GNL3L: variants seen among roughly 807,000 people sequenced by gnomAD.
GNL3L encodes guanine nucleotide-binding protein-like 3-like protein.
GNL3L carries 4 observed loss-of-function variants against 42.9 expected under a neutral mutation model. The ratio of observed to expected loss-of-function variants is 0.09; its 90% confidence interval spans 0.05 to 0.21. GNL3L has a LOEUF of 0.21. Ranked by LOEUF, GNL3L falls within the 10% of genes least tolerant of loss-of-function variation. GNL3L has a pLI of 1.00. For synonymous variants in GNL3L, 159 were observed against 176.3 expected (o/e 0.90, Z 0.78); for missense variants, 412 against 481.7 (o/e 0.86, Z 1.36).
the GNL3L span, among the ~76,000 whole-genome samples, chrX:54,634,789 T>C: frequency 1.5e-5 from 1 of 68,292 alleles, no homozygotes; most frequent in African/African-American, 1.1e-4. Flanking sequence ...GCCCGGCTCT[T>C]TTTTTTTTTT....
intron 16 of GNL3L, among the ~76,000 whole-genome samples, chrX:54,583,174 C>T (rs1470763404): frequency 1.8e-5 from 2 of 110,561 alleles, no homozygotes; most frequent in East Asian, 5.7e-4. Context: ...TGATGAGGTC[C>T]TATTTATTTA....
chrX:54,568,997 C>T (rs1308468320), downstream of GNL3L, among the ~76,000 whole-genome samples: 1 of 112,511 alleles, frequency 8.9e-6, no homozygotes, highest in African/African-American at 3.2e-5. Context: ...CTCCACATCT[C>T]AATATGTTTA....
chrX:54,532,560 G>A lies in GNL3L; in HGVS notation c.-7G>A, dbSNP rs762796179. On this transcript the variant is annotated 5_prime_UTR_variant, in exon 2 of 16. Transcript: ENST00000360845. ...ATTTGAACCTATCTGCTTTCAAGCT[G>A]GTCATCATGATGAAACTTAGACACA... 6.1e-5 allele frequency: 72 copies of A among 1,187,810 alleles called. No homozygotes were observed. Among genetic ancestry groups the A allele is most frequent in the Non-Finnish European group, 7.4e-5 (65 of 875,189 alleles).
intron 16 of GNL3L, among the ~76,000 whole-genome samples, chrX:54,600,206 CTTTTTTTTTTTTTTTTTTTTTTTTT>C (rs1172527598): frequency 7.5e-5 from 1 of 13,386 alleles, no homozygotes; most frequent in Non-Finnish European, 1.3e-4. Flanking sequence ...CAATCTGCTG[CTTTTTTTTTTTTTTTTTTTTTTTTT>C]TTTTTTTTTT....
At chrX:54,616,967 T>C (rs986724610) in intron 16 of GNL3L, among the ~76,000 whole-genome samples, 2 of 112,014 alleles carry the variant, frequency 1.8e-5, no homozygotes, top group Admixed American at 9.5e-5. Flanking sequence ...CCCATGATAT[T>C]GTTTCCTTTT....
chrX:54,623,604 T>C (rs771936192), downstream of GNL3L, among the ~76,000 whole-genome samples: 7 of 111,971 alleles, frequency 6.3e-5, no homozygotes, highest in Non-Finnish European at 9.4e-5. Flanking sequence ...TATCTGTACA[T>C]CCTTTTGGAT....
In GNL3L at chrX:54,551,644, G is replaced by C; in HGVS notation, c.940G>C (p.Glu314Gln). 1.7e-6 allele frequency: 2 copies of C among 1,210,871 alleles called. No individual in the cohort carries two copies. The highest frequency in any genetic ancestry group is 2.2e-6 in the Non-Finnish European group (2 of 894,582). The change falls in exon 11 of 16, where the codon GAG becomes CAG. Residue 314 changes from glutamate to glutamine, a missense_variant. By Grantham distance (29) the Glu-to-Gln change is conservative. Coordinates refer to ENST00000360845, the MANE Select transcript of GNL3L (RefSeq NM_001184819.2). Reference protein sequence around the residue: ...APGIVPGPNSEVGTILRNCVH... With the variant: ...APGIVPGPNSQVGTILRNCVH... ...AGGCATTGTCCCAGGGCCCAACTCA[G>C]AGGTGGGCACCATCCTGCGTAACTG...
At chrX:54,617,160 T>A (rs1926230052) in intron 16 of GNL3L, among the ~76,000 whole-genome samples, 1 of 112,007 alleles carries the variant, frequency 8.9e-6, no homozygotes, top group Non-Finnish European at 1.9e-5. Flanking sequence ...TCCTCTTCTG[T>A]TTCTTTAGCT....
At chrX:54,541,475 G>A (rs1170658269) in intron 5 of GNL3L, 86 bp downstream of exon 5, 1 of 490,414 alleles carries the variant, frequency 2.0e-6, no homozygotes, top group African/African-American at 2.4e-5. Context: ...GTGTGAAGTT[G>A]TTGGAGGGGA....
intron 9 of GNL3L, among the ~76,000 whole-genome samples, chrX:54,549,819 G>A (rs1924881568): frequency 1.8e-5 from 2 of 112,171 alleles, no homozygotes; most frequent in Admixed American, 9.5e-5. Context: ...ATGTCACTAT[G>A]AGGCAGGTAT....
rs567172499 is a variant in GNL3L at position 54,564,402 on chromosome X, CTTTTTTTTTTTT to C, written c.*3809_*3820del. Among the ~76,000 whole-genome samples, 1 of 80,810 alleles carries C rather than the reference CTTTTTTTTTTTT, an allele frequency of 1.2e-5. No homozygotes were observed. Among genetic ancestry groups the C allele is most frequent in the African/African-American group, 5.0e-5 (1 of 20,058 alleles). The allele number at this position is 80,810 out of a possible 115,157, so 70.2% of individuals were successfully genotyped here. A position where few individuals can be genotyped will look rare whatever the true frequency, so the allele number is the denominator to read the frequency against. On this transcript the variant is annotated 3_prime_UTR_variant, in exon 16 of 16. Coordinates refer to ENST00000360845, the MANE Select transcript of GNL3L (RefSeq NM_001184819.2). ...AGTCACTGGTTTTTTTCTTCGTTCTCTTTTTTTTTTTTTTTTTTTTGAGACAGAGTCTAGCTC... is the reference window on the plus strand; with the variant it reads ...AGTCACTGGTTTTTTTCTTCGTTCTCTTTTTTTTGAGACAGAGTCTAGCTC...
intron 2 of GNL3L, among the ~76,000 whole-genome samples, chrX:54,538,366 T>C (rs1467005614): frequency 1.8e-5 from 2 of 111,579 alleles, no homozygotes; most frequent in Non-Finnish European, 3.8e-5. Flanking sequence ...TCTCTAGGAA[T>C]TCCTTGAGCC....
At chrX:54,609,911 T>C (rs1414587168) in intron 16 of GNL3L, among the ~76,000 whole-genome samples, 1 of 111,586 alleles carries the variant, frequency 9.0e-6, no homozygotes, top group Non-Finnish European at 1.9e-5. Flanking sequence ...TTGATGGGAT[T>C]GTGTTGAATT....
chrX:54,590,438 A>G (rs1364791173), intron 16 of GNL3L, among the ~76,000 whole-genome samples: 1 of 111,745 alleles, frequency 8.9e-6, no homozygotes. Context: ...ATATGATTAT[A>G]TGATTTTTCT....
At chrX:54,631,389 A>G in the GNL3L span, among the ~76,000 whole-genome samples, 1 of 110,915 alleles carries the variant, frequency 9.0e-6, no homozygotes, top group Non-Finnish European at 1.9e-5. Context: ...ATCTAGTAGT[A>G]TCTAACAAAT....
intron 6 of GNL3L, 25 bp from the exon 7 acceptor site, chrX:54,543,182 C>T (rs1924678054): frequency 5.8e-6 from 7 of 1,205,644 alleles, no homozygotes; most frequent in Non-Finnish European, 7.9e-6. Context: ...TTCCTGCCCT[C>T]ATCTCCTGGT....
intron 16 of GNL3L, among the ~76,000 whole-genome samples, chrX:54,582,227 C>A (rs763125563): frequency 9.0e-6 from 1 of 111,456 alleles, no homozygotes; most frequent in East Asian, 2.8e-4. Flanking sequence ...CCTCCCCTCT[C>A]TGTTGCTTAC....
At chrX:54,540,404 C>T (rs1024060254) in intron 4 of GNL3L, among the ~76,000 whole-genome samples, 162 bp downstream of exon 4, 3 of 111,645 alleles carry the variant, frequency 2.7e-5, no homozygotes, top group Admixed American at 9.6e-5. Context: ...TTTATGTCTG[C>T]GTTTGTTCAC....
At chrX:54,551,473 C>T in intron 10 of GNL3L, 95 bp from the exon 11 acceptor site, 1 of 721,189 alleles carries the variant, frequency 1.4e-6, no homozygotes, top group South Asian at 2.5e-5. Flanking sequence ...GCACCCTCCC[C>T]TCACTCCTTT....
Sources: gnomAD v4.1 joint callset for allele counts (sites outside exome capture counted in the v4.1 genomes callset) on GRCh38, gnomAD v4.1.1 for gene constraint, MANE v1.5 for transcripts, NCBI Gene and HGNC (gene_info 2026-07-23, HGNC 2026-07-21) for gene names.